The following PCNX2 variants were observed in gnomAD, a reference collection of about 807,000 sequenced individuals.
The protein encoded by PCNX2 is pecanex-like protein 2.
PCNX2 carries 168 observed loss-of-function variants against 223.8 expected under a neutral mutation model. The observed-to-expected ratio is 0.75, with a 90% CI of 0.66 to 0.85. The LOEUF (loss-of-function observed/expected upper bound fraction) is 0.85, where lower values mean the gene tolerates loss of function less well. Ranked by LOEUF, PCNX2 falls within the 40% of genes least tolerant of loss-of-function variation. The pLI, the probability that PCNX2 is intolerant of heterozygous loss-of-function variation, is 0.00. For missense variants in PCNX2, 2,507 were observed against 2,675.5 expected, an observed-to-expected ratio of 0.94 and a Z score of 1.39; for synonymous variants, 1,006 against 1,052.6, an observed-to-expected ratio of 0.96 and a Z score of 0.86.
In PCNX2 at chr1:233,262,147, G is replaced by C. The variant is rs1433227299; in HGVS notation, c.378C>G (p.His126Gln). 1 of 1,613,652 alleles carries C rather than the reference G, an allele frequency of 6.2e-7. No individual in the cohort carries two copies. The highest frequency in any genetic ancestry group is 1.3e-5 in the African/African-American group (1 of 74,914). Residue 126 changes from histidine to glutamine, a missense_variant, in exon 3 of 34, where the codon CAC becomes CAG. Transcript: ENST00000258229. Reference sequence around the variant, plus strand: ...GACTGGCCTCTTCCTTTTTGCCATTGTGAATCTGCCTATTATTGCTAACCC... The same window carrying C: ...GACTGGCCTCTTCCTTTTTGCCATTCTGAATCTGCCTATTATTGCTAACCC... ...HRNPSNNRQI[H>Q]NGKKEEASRN... is the part of the protein sequence containing the mutation.
intron 21 of PCNX2, among the ~76,000 whole-genome samples, chr1:233,098,404 GA>G (rs1319579832): frequency 6.6e-6 from 1 of 152,098 alleles, no homozygotes; most frequent in Non-Finnish European, 1.5e-5. Flanking sequence ...TTACACATAA[GA>G]AAAACCAGTA....
At chr1:233,260,807 C>T (rs1006345114) in intron 4 of PCNX2, among the ~76,000 whole-genome samples, 16 of 114,254 alleles carry the variant, frequency 1.4e-4, no homozygotes, top group East Asian at 1.2e-3. Flanking sequence ...AGTCAAAAGA[C>T]AAAAAAAAAA....
At chr1:233,199,096 A>C in intron 14 of PCNX2, 66 bp from the exon 15 acceptor site, 2 of 1,414,540 alleles carry the variant, frequency 1.4e-6, no homozygotes, top group Non-Finnish European at 1.9e-6. Flanking sequence ...AATGTAAAAC[A>C]GTGAAGAGAT....
At chr1:233,022,101 C>G (rs898389819) in intron 26 of PCNX2, among the ~76,000 whole-genome samples, 4 of 152,130 alleles carry the variant, frequency 2.6e-5, no homozygotes, top group African/African-American at 9.7e-5. Context: ...ACGAGTTGGG[C>G]CTGTCCACGT....
In PCNX2 at chr1:233,009,614, C is replaced by A. The variant is rs549544713; in HGVS notation, c.4952+5051G>T. Among the ~76,000 whole-genome samples, 6 of 152,246 alleles carry A rather than the reference C, an allele frequency of 3.9e-5. No individual in the cohort carries two copies. The South Asian group carries it at 1.2e-3, about 32-fold the overall frequency. ...GTCTGGTGCAAAATCCTTCATAAGC[C>A]CGGCCTGATGACCAGGGTTGGGCTG... On this transcript the variant is annotated intron_variant, in intron 28 of 33. Coordinates refer to ENST00000258229, the MANE Select transcript of PCNX2 (RefSeq NM_014801.4).
intron 25 of PCNX2, among the ~76,000 whole-genome samples, chr1:233,041,284 C>T (rs959245462): frequency 6.6e-6 from 1 of 152,284 alleles, no homozygotes; most frequent in Non-Finnish European, 1.5e-5. Context: ...TTTCATGCTG[C>T]CCAGCATTCA....
chr1:233,003,136 A>G (rs2102800166), intron 28 of PCNX2, among the ~76,000 whole-genome samples: 1 of 152,372 alleles, frequency 6.6e-6, no homozygotes, highest in East Asian at 1.9e-4. Flanking sequence ...AATGGCAACA[A>G]AACCCAAAAT....
intron 25 of PCNX2, among the ~76,000 whole-genome samples, chr1:233,028,478 T>C (rs571183968): frequency 1.2e-3 from 185 of 152,364 alleles, no homozygotes; most frequent in African/African-American, 4.3e-3. Flanking sequence ...TTATGAAATA[T>C]ACTTCTTTAG....
At position 232,984,202 on chromosome 1, in the gene PCNX2, G is replaced by T; in HGVS notation, c.*102C>A. On this transcript the variant is annotated 3_prime_UTR_variant, in exon 34 of 34. Coordinates refer to ENST00000258229, the MANE Select transcript of PCNX2 (RefSeq NM_014801.4). ...TTTTCCACAGGAGGAGTCCCTCATG[G>T]ATCGCGGTATTGGTTGGTTGTGGTG... 1 of 1,131,386 alleles carries T rather than the reference G, an allele frequency of 8.8e-7. No individual in the cohort carries two copies. The highest frequency in any genetic ancestry group is 1.2e-6 in the Non-Finnish European group (1 of 862,702). The allele number at this position is 1,131,386 out of a possible 1,614,324, so 70.1% of individuals were successfully genotyped here. A position where few individuals can be genotyped will look rare whatever the true frequency, so the allele number is the denominator to read the frequency against.
chr1:233,127,921 G>A (rs1265489387), intron 21 of PCNX2, among the ~76,000 whole-genome samples: 3 of 152,174 alleles, frequency 2.0e-5, no homozygotes, highest in African/African-American at 7.2e-5. Flanking sequence ...TTTGAACAAA[G>A]TATTTTGAAC....
intron 21 of PCNX2, among the ~76,000 whole-genome samples, chr1:233,131,284 T>G (rs940890955): frequency 1.3e-5 from 2 of 152,150 alleles, no homozygotes; most frequent in South Asian, 4.1e-4. Context: ...ACATTTCACA[T>G]TGTGCAAGGA....
chr1:233,188,447 C>A (rs906386388), intron 15 of PCNX2, among the ~76,000 whole-genome samples: 3 of 152,160 alleles, frequency 2.0e-5, no homozygotes, highest in Non-Finnish European at 4.4e-5. Flanking sequence ...GCCCTCTGGA[C>A]CCCCTTTTAA....
At chr1:233,265,631 A>G (rs1660291158) in intron 1 of PCNX2, among the ~76,000 whole-genome samples, 1 of 152,240 alleles carries the variant, frequency 6.6e-6, no homozygotes, top group South Asian at 2.1e-4. Context: ...CCATAACGGA[A>G]TAAGTAGTAA....
intron 19 of PCNX2, among the ~76,000 whole-genome samples, chr1:233,152,027 C>G (rs957840566): frequency 2.0e-5 from 3 of 152,204 alleles, no homozygotes; most frequent in African/African-American, 7.2e-5. Flanking sequence ...CACTGCCAAA[C>G]CCCTGCGGCC....
chr1:233,310,694 C>A, the PCNX2 span, among the ~76,000 whole-genome samples: 1 of 152,118 alleles, frequency 6.6e-6, no homozygotes, highest in African/African-American at 2.4e-5. Flanking sequence ...ATACCTGAGG[C>A]TGGGTCATTT....
intron 13 of PCNX2, chr1:233,202,056 C>A: frequency 2.6e-6 from 1 of 386,622 alleles, no homozygotes. Context: ...AAATAAATGT[C>A]GTGGAGGTGG....
intron 12 of PCNX2, among the ~76,000 whole-genome samples, chr1:233,216,773 C>G (rs1407089632): frequency 6.6e-6 from 1 of 152,102 alleles, no homozygotes; most frequent in East Asian, 1.9e-4. Context: ...CATTGCAACA[C>G]TGTTCACAAT....
At chr1:233,138,903 A>G (rs747782353) in intron 20 of PCNX2, among the ~76,000 whole-genome samples, 7 of 152,214 alleles carry the variant, frequency 4.6e-5, no homozygotes, top group Non-Finnish European at 1.0e-4. Flanking sequence ...TCTTTGGAGA[A>G]TATTAATTAA....
chr1:233,058,147 T>C, intron 23 of PCNX2: 2 of 771,170 alleles, frequency 2.6e-6, no homozygotes, highest in Non-Finnish European at 3.1e-6. Context: ...GCACAGCTTT[T>C]GTAAGGCAGC....
Sources: allele counts gnomAD v4.1 joint callset (sites outside exome capture counted in the v4.1 genomes callset), GRCh38; gene constraint gnomAD v4.1.1; transcripts MANE v1.5; gene names NCBI Gene and HGNC (gene_info 2026-07-23, HGNC 2026-07-21).